PRKD3: variants seen among roughly 807,000 people sequenced by gnomAD.
PRKD3 encodes serine/threonine-protein kinase D3.
In PRKD3, 47 loss-of-function variants were observed where a neutral mutation model predicts 99.2. The ratio of observed to expected loss-of-function variants is 0.47; its 90% CI spans 0.38 to 0.60. The LOEUF (loss-of-function observed/expected upper bound fraction) is 0.60, where lower values mean the gene tolerates loss of function less well. Ranked by LOEUF, PRKD3 falls within the 20% of genes least tolerant of loss-of-function variation. The probability of loss-of-function intolerance (pLI) is 0.00; values close to 1 mark genes in which losing one functional copy is unlikely to be tolerated. For missense variants in PRKD3, 1,019 were observed against 1,088.4 expected (o/e 0.94, Z 0.90); for synonymous variants, 392 against 355.4 (o/e 1.10, Z -1.16).
At chr2:37,263,247 A>ATTT (rs1375093354) in intron 14 of PRKD3, among the ~76,000 whole-genome samples, 1 of 152,170 alleles carries the variant, frequency 6.6e-6, no homozygotes, top group Non-Finnish European at 1.5e-5. Flanking sequence ...ATATTCTGAA[A>ATTT]TTTTGATTTC....
chr2:37,278,161 A>T, intron 8 of PRKD3, 172 bp from the exon 9 acceptor site: 1 of 399,532 alleles, frequency 2.5e-6, no homozygotes, highest in Non-Finnish European at 4.3e-6. Flanking sequence ...TACATAAAAG[A>T]TTCTATTTTA....
intron 1 of PRKD3, among the ~76,000 whole-genome samples, chr2:37,320,334 A>G (rs1370448147): frequency 1.3e-5 from 2 of 151,916 alleles, no homozygotes; most frequent in African/African-American, 2.4e-5. Context: ...GAGCTCCACA[A>G]CGTATCTGAC....
intron 16 of PRKD3, among the ~76,000 whole-genome samples, chr2:37,259,052 G>GGGA (rs201390894): frequency 6.7e-5 from 10 of 148,776 alleles, no homozygotes; most frequent in South Asian, 2.1e-4. Context: ...TGAACACTTG[G>GGGA]AAAAAAAAAA....
intron 11 of PRKD3, 38 bp from the exon 12 acceptor site, chr2:37,272,470 A>G: frequency 6.4e-7 from 1 of 1,570,992 alleles, no homozygotes; most frequent in East Asian, 2.3e-5. Flanking sequence ...AGTATATGAC[A>G]ATATTATTAA....
At chr2:37,301,307 A>G (rs1670915644) in intron 2 of PRKD3, among the ~76,000 whole-genome samples, 1 of 152,206 alleles carries the variant, frequency 6.6e-6, no homozygotes, top group African/African-American at 2.4e-5. Flanking sequence ...AGCTTTTAAG[A>G]TAATAGCTTC....
In PRKD3 at chr2:37,279,863, T is replaced by A; in HGVS notation, c.1055A>T (p.Asp352Val). 6.2e-7 allele frequency: 1 copy of A among 1,613,180 alleles called. No homozygotes were observed. Among genetic ancestry groups the A allele is most frequent in the South Asian group, 1.1e-5 (1 of 91,060 alleles). Reference protein sequence around the residue: ...MDIDNNDINSDSSRGLDDTEE... With the variant: ...MDIDNNDINSVSSRGLDDTEE... ...TGTGTCATCCAAACCCCGACTACTATCACTATTTATGTCATTATTGTCAAT... is the reference window on the plus strand; with the variant it reads ...TGTGTCATCCAAACCCCGACTACTAACACTATTTATGTCATTATTGTCAAT... Residue 352 changes from aspartate (D) to valine (V), a missense_variant, in exon 8 of 19, where the codon GAT becomes GTT. By Grantham distance (152) the Asp-to-Val change is radical. This residue lies in a region of PRKD3 where 710 missense variants were observed against 692.7 expected (regional missense o/e 1.02). Transcript: ENST00000234179.
At chr2:37,316,173 G>A (rs1213413409) in intron 2 of PRKD3, 64 bp downstream of exon 2, 119 of 1,452,272 alleles carry the variant, frequency 8.2e-5, no homozygotes, top group Non-Finnish European at 1.1e-4. Context: ...ACTGGTACAC[G>A]TATAATTTAT....
At chr2:37,276,309 A>G (rs1156564217) in intron 9 of PRKD3, among the ~76,000 whole-genome samples, 1 of 152,146 alleles carries the variant, frequency 6.6e-6, no homozygotes, top group Admixed American at 6.5e-5. Flanking sequence ...GAGAGTCCCT[A>G]GTTACTCACA....
chr2:37,261,979 T>TA (rs1346799409), intron 14 of PRKD3, among the ~76,000 whole-genome samples: 2 of 152,192 alleles, frequency 1.3e-5, no homozygotes. Context: ...GTCTTTGTGT[T>TA]AGATGATTTT....
At chr2:37,306,067 CT>C (rs543636647) in intron 2 of PRKD3, among the ~76,000 whole-genome samples, 15,075 of 141,644 alleles carry the variant, frequency 0.11, 1,105 homozygotes, top group African/African-American at 0.23. Context: ...TCCTTGGATT[CT>C]TTTTTTTTTT....
intron 2 of PRKD3, among the ~76,000 whole-genome samples, chr2:37,294,941 G>GAC (rs1670608116): frequency 1.3e-5 from 2 of 152,154 alleles, no homozygotes; most frequent in African/African-American, 4.8e-5. Flanking sequence ...CAGGTGTGGT[G>GAC]GTGCATGCCT....
At chr2:37,267,897 T>C (rs1668951940) in intron 13 of PRKD3, 1 of 214,932 alleles carries the variant, frequency 4.7e-6, no homozygotes, top group South Asian at 7.3e-5. Flanking sequence ...TATTCTAGAT[T>C]CAATGAGTCA....
intron 1 of PRKD3, chr2:37,324,228 GA>G: frequency 1.0e-6 from 1 of 985,486 alleles, no homozygotes; most frequent in Non-Finnish European, 1.2e-6. Flanking sequence ...GCAAAGTGAG[GA>G]AATGAAACGA....
chr2:37,286,297 C>G lies in PRKD3; in HGVS notation c.790G>C (p.Val264Leu). 1 of 1,614,042 alleles carries G rather than the reference C, an allele frequency of 6.2e-7. No homozygotes were observed. Among genetic ancestry groups the G allele is most frequent in the Non-Finnish European group, 8.5e-7 (1 of 1,179,962 alleles). Residue 264 changes from valine to leucine, a missense_variant, in exon 6 of 19, where the codon GTA (valine) becomes CTA (leucine). Coordinates refer to ENST00000234179, the MANE Select transcript of PRKD3 (RefSeq NM_005813.6). Reference protein sequence around the residue: ...SGRPIWMEKMVMCRVKVPHTF... With the variant: ...SGRPIWMEKMLMCRVKVPHTF... ...TGTGGAACTTTCACTCTGCACATTA[C>G]CATCTTTTCCATCCAGATTGGGCGA...
chr2:37,261,386 C>A (rs1054493920), intron 14 of PRKD3, among the ~76,000 whole-genome samples: 7 of 152,114 alleles, frequency 4.6e-5, no homozygotes, highest in African/African-American at 1.7e-4. Flanking sequence ...ACTCGGGAGG[C>A]TGAGGCAGGA....
intron 17 of PRKD3, 42 bp downstream of exon 17, chr2:37,256,620 T>C (rs1372392198): frequency 5.5e-6 from 8 of 1,453,626 alleles, no homozygotes; most frequent in Non-Finnish European, 7.2e-6. Context: ...TTAAAACACA[T>C]AGCCAAAATT....
intron 18 of PRKD3, 111 bp downstream of exon 18, chr2:37,254,093 T>G: frequency 1.3e-6 from 1 of 774,766 alleles, no homozygotes; most frequent in Non-Finnish European, 2.2e-6. Context: ...ATTAATCACT[T>G]AAGAGCACTT....
At chr2:37,261,939 A>G (rs1422264327) in intron 14 of PRKD3, among the ~76,000 whole-genome samples, 2 of 152,238 alleles carry the variant, frequency 1.3e-5, no homozygotes, top group South Asian at 2.1e-4. Flanking sequence ...CATAAATTAC[A>G]TAAGATATTC....
chr2:37,291,041 C>G lies in PRKD3; in HGVS notation c.428-42G>C, dbSNP rs530820558. ...TATTACAATACACGTTGTATTTGTA[C>G]TGCGATGAGATTAAGAATGCTCACA... On this transcript the variant is annotated intron_variant, in intron 3 of 18. Coordinates refer to ENST00000234179, the MANE Select transcript of PRKD3 (RefSeq NM_005813.6). 26 of 1,533,844 alleles carry G rather than the reference C, an allele frequency of 1.7e-5. No homozygotes were observed. In the South Asian group the frequency reaches 2.4e-4, roughly 14 times the overall value.
Sources: gnomAD v4.1 joint callset for allele counts (sites outside exome capture counted in the v4.1 genomes callset) on GRCh38, gnomAD v4.1.1 for gene constraint, gnomAD v4.1.1 regional missense constraint, MANE v1.5 for transcripts, NCBI Gene and HGNC (gene_info 2026-07-23, HGNC 2026-07-21) for gene names.